CHL1: variants seen among roughly 807,000 people sequenced by gnomAD.
The protein encoded by CHL1 is cell adhesion molecule L1 like, also known as neural cell adhesion molecule L1-like protein.
A neutral mutation model predicts 141.9 loss-of-function variants in CHL1; 96 were observed. That is an observed-to-expected ratio of 0.68 (90% CI 0.57 to 0.80). The LOEUF (loss-of-function observed/expected upper bound fraction) is 0.80, where lower values mean the gene tolerates loss of function less well. CHL1 is among the 30% of genes least tolerant of loss of function. The pLI, the probability that CHL1 is intolerant of heterozygous loss-of-function variation, is 0.00. For missense variants in CHL1, 1,820 were observed against 1,457.2 expected (o/e 1.25, Z -4.05); for synonymous variants, 613 against 502.2 (o/e 1.22, Z -2.95).
At chr3:350,494 A>G (rs1703150388) in intron 10 of CHL1, among the ~76,000 whole-genome samples, 1 of 152,194 alleles carries the variant, frequency 6.6e-6, no homozygotes, top group Non-Finnish European at 1.5e-5. Flanking sequence ...TTTTTAGACT[A>G]CAATTTAGTG....
chr3:380,808 T>G (rs1473702683), intron 16 of CHL1, among the ~76,000 whole-genome samples: 1 of 152,232 alleles, frequency 6.6e-6, no homozygotes, highest in South Asian at 2.1e-4. Flanking sequence ...TTTATTGCTT[T>G]AATATAATAA....
intron 2 of CHL1, among the ~76,000 whole-genome samples, chr3:314,327 G>GTATATATATATATA (rs1410311860): frequency 7.0e-5 from 4 of 57,030 alleles, no homozygotes; most frequent in Admixed American, 2.5e-4. Context: ...CTCTCTCTAT[G>GTATATATATATATA]TGTATATATA....
At chr3:257,138 C>T (rs933636501) in intron 2 of CHL1, among the ~76,000 whole-genome samples, 51 of 152,076 alleles carry the variant, frequency 3.4e-4, no homozygotes, top group Non-Finnish European at 3.8e-4. Flanking sequence ...CAGTATATAC[C>T]AGATTATGGG....
At chr3:300,153 A>G (rs17021929) in intron 2 of CHL1, among the ~76,000 whole-genome samples, 18,785 of 152,252 alleles carry the variant, frequency 0.12, 1,553 homozygotes, top group East Asian at 0.39. Context: ...ACATAGATCA[A>G]TTGATTGAAA....
chr3:227,105 T>C (rs1260256510), intron 1 of CHL1, among the ~76,000 whole-genome samples: 1 of 152,206 alleles, frequency 6.6e-6, no homozygotes, highest in East Asian at 1.9e-4. Flanking sequence ...AGCGTAAATG[T>C]TGTCCACCTC....
chr3:202,724 G>GA (rs1575592087), intron 1 of CHL1, among the ~76,000 whole-genome samples: 1 of 152,174 alleles, frequency 6.6e-6, no homozygotes, highest in Non-Finnish European at 1.5e-5. Flanking sequence ...GGCTGAAAGA[G>GA]AAAAAATGCT....
chr3:311,524 A>G (rs2124984912), intron 2 of CHL1, among the ~76,000 whole-genome samples: 1 of 152,248 alleles, frequency 6.6e-6, no homozygotes, highest in South Asian at 2.1e-4. Context: ...TGCAAATAGC[A>G]CTGCCCAGTC....
intron 2 of CHL1, among the ~76,000 whole-genome samples, chr3:274,239 T>C (rs193256338): frequency 4.1e-4 from 62 of 152,312 alleles, no homozygotes; most frequent in Admixed American, 3.9e-3. Context: ...TCTGGATAGA[T>C]TGTTAAAAGC....
In CHL1 at chr3:394,696, A is replaced by T; in HGVS notation, c.2918A>T (p.Asn973Ile). 1 of 1,602,636 alleles carries T rather than the reference A, an allele frequency of 6.2e-7. No individual in the cohort carries two copies. The highest frequency in any genetic ancestry group is 8.5e-7 in the Non-Finnish European group (1 of 1,175,098). Residue 973 changes from asparagine to isoleucine, a missense_variant, in exon 24 of 28, where the codon AAT becomes ATT. By Grantham distance (149) the Asn-to-Ile change is moderately radical. Transcript: ENST00000256509. ...TTGTTCATGTTTATTTTTTTAGTAA[A>T]TGACACCTACGAGATTGGAGAATTA... ...TGYLLQYQII[N>I]DTYEIGELND...
chr3:209,444 A>C (rs1356977597), intron 1 of CHL1, among the ~76,000 whole-genome samples: 2 of 152,220 alleles, frequency 1.3e-5, no homozygotes, highest in African/African-American at 2.4e-5. Context: ...ATAAAAAATA[A>C]ATTGACATAC....
intron 19 of CHL1, among the ~76,000 whole-genome samples, chr3:385,992 C>T (rs541743806): frequency 5.3e-5 from 8 of 151,864 alleles, no homozygotes; most frequent in Non-Finnish European, 1.2e-4. Context: ...CTTGATGTGT[C>T]AGAGATCTAA....
intron 3 of CHL1, among the ~76,000 whole-genome samples, chr3:323,425 T>C (rs1188708192): frequency 1.3e-5 from 2 of 152,088 alleles, no homozygotes; most frequent in African/African-American, 2.4e-5. Flanking sequence ...AGCGGGTATT[T>C]TTTCCAAATG....
intron 2 of CHL1, among the ~76,000 whole-genome samples, chr3:277,691 G>C (rs1458765648): frequency 6.6e-6 from 1 of 152,086 alleles, no homozygotes; most frequent in African/African-American, 2.4e-5. Flanking sequence ...AAATATTTTT[G>C]TGACTTTATT....
At chr3:255,826 G>A (rs1694105678) in intron 2 of CHL1, among the ~76,000 whole-genome samples, 1 of 152,240 alleles carries the variant, frequency 6.6e-6, no homozygotes, top group South Asian at 2.1e-4. Context: ...ATGGAGCCCA[G>A]GTAGCTGTTT....
intron 10 of CHL1, among the ~76,000 whole-genome samples, chr3:353,981 T>C (rs535787369): frequency 6.6e-6 from 1 of 152,176 alleles, no homozygotes; most frequent in Non-Finnish European, 1.5e-5. Flanking sequence ...CTTTGTAGTA[T>C]TGTTACACTG....
intron 1 of CHL1, among the ~76,000 whole-genome samples, chr3:243,853 C>A (rs776441055): frequency 3.9e-5 from 6 of 152,182 alleles, no homozygotes; most frequent in Non-Finnish European, 8.8e-5. Flanking sequence ...TAAGTTATGA[C>A]AGCTGGTATG....
intron 5 of CHL1, among the ~76,000 whole-genome samples, chr3:333,673 T>A (rs1189736581): frequency 6.6e-6 from 1 of 152,190 alleles, no homozygotes; most frequent in Admixed American, 6.5e-5. Flanking sequence ...TTTCTAGTAA[T>A]TTGGGATTTA....
chr3:248,607 C>A (rs1693398987), intron 2 of CHL1: 1 of 152,058 alleles, frequency 6.6e-6, no homozygotes, highest in African/African-American at 2.4e-5. Flanking sequence ...CAAAAGTTTC[C>A]TCTGTCCCTC....
At position 390,770 on chromosome 3, in the gene CHL1, C is replaced by A; in HGVS notation, c.2540C>A (p.Ser847Ter). Residue 847 changes from serine to a stop codon, truncating the protein, a stop_gained, in exon 21 of 28, where the codon TCA becomes TAA. Coordinates refer to ENST00000256509, the MANE Select transcript of CHL1 (RefSeq NM_006614.4). LOFTEE classifies it high-confidence loss of function. ...AGTACATTAGTTAAAGTTACCTGGTCAACAGTTCCAAAGGACAGAGTACAT... is the reference window on the plus strand; with the variant it reads ...AGTACATTAGTTAAAGTTACCTGGTAAACAGTTCCAAAGGACAGAGTACAT... ...INSTLVKVTW[S>*]TVPKDRVHGR... is the part of the protein sequence containing the mutation. The A allele has an allele frequency of 1.2e-6, 2 of 1,612,294 alleles. No homozygotes were observed. Among genetic ancestry groups the A allele is most frequent in the South Asian group, 2.2e-5 (2 of 91,000 alleles).
Sources: allele counts gnomAD v4.1 joint callset (sites outside exome capture counted in the v4.1 genomes callset), GRCh38; gene constraint gnomAD v4.1.1; transcripts MANE v1.5; gene names NCBI Gene and HGNC (gene_info 2026-07-23, HGNC 2026-07-21).